NPAS3: variants seen among roughly 807,000 people sequenced by gnomAD.
The protein encoded by NPAS3 is neuronal PAS domain protein 3.
NPAS3 carries 14 observed loss-of-function variants against 73.1 expected under a neutral mutation model. That is an observed-to-expected ratio of 0.19 (90% CI 0.13 to 0.30). The LOEUF is 0.30. Ranked by LOEUF, NPAS3 falls within the 10% of genes least tolerant of loss-of-function variation. The probability of loss-of-function intolerance (pLI) is 1.00; values close to 1 mark genes in which losing one functional copy is unlikely to be tolerated. For synonymous variants in NPAS3, 620 were observed against 541.5 expected, an observed-to-expected ratio of 1.14 and a Z score of -2.01; for missense variants, 1,096 against 1,250.0, an observed-to-expected ratio of 0.88 and a Z score of 1.86.
chr14:33,784,719 A>ATTTTTTTT (rs1412386463), intron 9 of NPAS3, among the ~76,000 whole-genome samples: 1 of 75,054 alleles, frequency 1.3e-5, no homozygotes, highest in African/African-American at 4.5e-5. Context: ...TTTTATTGTT[A>ATTTTTTTT]TTTTTATTTA....
intron 4 of NPAS3, among the ~76,000 whole-genome samples, chr14:33,415,322 C>G (rs1330788021): frequency 1.3e-5 from 2 of 152,068 alleles, no homozygotes; most frequent in Non-Finnish European, 2.9e-5. Context: ...TGGGTATTTT[C>G]TAGCCTTTCA....
chr14:33,484,078 GA>G (rs1446764486), intron 4 of NPAS3, among the ~76,000 whole-genome samples: 2 of 152,156 alleles, frequency 1.3e-5, no homozygotes, highest in Non-Finnish European at 2.9e-5. Context: ...CTGCCTTCAT[GA>G]AATTTATATT....
intron 1 of NPAS3, among the ~76,000 whole-genome samples, chr14:33,018,152 A>T (rs1288856215): frequency 1.3e-5 from 2 of 152,210 alleles, no homozygotes; most frequent in African/African-American, 4.8e-5. Context: ...AGGTGGACAC[A>T]AAGGCACAAA....
chr14:33,009,352 C>G (rs981030191), intron 1 of NPAS3, among the ~76,000 whole-genome samples: 1 of 152,094 alleles, frequency 6.6e-6, no homozygotes, highest in African/African-American at 2.4e-5. Flanking sequence ...AGTTGAGGGT[C>G]AGCTTCTTGA....
At chr14:33,357,976 A>G (rs988748794) in intron 3 of NPAS3, among the ~76,000 whole-genome samples, 1 of 152,188 alleles carries the variant, frequency 6.6e-6, no homozygotes. Context: ...ATGACTCCAG[A>G]ACCCCAATCC....
At chr14:32,965,162 T>C (rs946087327) in intron 1 of NPAS3, among the ~76,000 whole-genome samples, 1 of 152,192 alleles carries the variant, frequency 6.6e-6, no homozygotes, top group Non-Finnish European at 1.5e-5. Context: ...TACCAATTCT[T>C]ATCAAACTAT....
At chr14:33,055,364 G>C (rs1047774018) in intron 1 of NPAS3, among the ~76,000 whole-genome samples, 1 of 152,170 alleles carries the variant, frequency 6.6e-6, no homozygotes, top group African/African-American at 2.4e-5. Context: ...GGCCTTGCTT[G>C]TGTTTTCATC....
At chr14:33,540,766 A>C (rs2054474634) in intron 4 of NPAS3, among the ~76,000 whole-genome samples, 1 of 152,202 alleles carries the variant, frequency 6.6e-6, no homozygotes, top group Non-Finnish European at 1.5e-5. Context: ...GGGAACGAGA[A>C]AATAAAATGT....
At chr14:33,339,377 C>T (rs868743321) in intron 3 of NPAS3, among the ~76,000 whole-genome samples, 1 of 152,112 alleles carries the variant, frequency 6.6e-6, no homozygotes, top group Non-Finnish European at 1.5e-5. Context: ...AGTACAGCAG[C>T]ATCAGCTTAC....
chr14:33,720,836 A>G (rs796886913), intron 6 of NPAS3, among the ~76,000 whole-genome samples: 23 of 152,242 alleles, frequency 1.5e-4, no homozygotes, highest in African/African-American at 5.3e-4. Flanking sequence ...GAGTCTTTTA[A>G]GAGAGAATCC....
At chr14:33,767,093 G>A (rs1211754329) in intron 7 of NPAS3, among the ~76,000 whole-genome samples, 1 of 152,222 alleles carries the variant, frequency 6.6e-6, no homozygotes, top group Non-Finnish European at 1.5e-5. Flanking sequence ...CTGTGGAAGA[G>A]TCCCTGGTTT....
At chr14:33,356,904 T>C (rs530572691) in intron 3 of NPAS3, among the ~76,000 whole-genome samples, 1 of 152,326 alleles carries the variant, frequency 6.6e-6, no homozygotes, top group East Asian at 1.9e-4. Context: ...CCTCAATTCA[T>C]TGTATGGTGG....
At chr14:33,755,748 T>C (rs1263070007) in intron 7 of NPAS3, among the ~76,000 whole-genome samples, 1 of 151,890 alleles carries the variant, frequency 6.6e-6, no homozygotes, top group African/African-American at 2.4e-5. Flanking sequence ...GAAAGAGGCT[T>C]ATTTGGCTCA....
At chr14:33,568,748 A>AT (rs2056080975) in intron 5 of NPAS3, among the ~76,000 whole-genome samples, 1 of 152,216 alleles carries the variant, frequency 6.6e-6, no homozygotes, top group Non-Finnish European at 1.5e-5. Flanking sequence ...TTCAGTGATA[A>AT]TTTCAGTAGG....
At chr14:33,541,544 C>T (rs766816930) in intron 4 of NPAS3, among the ~76,000 whole-genome samples, 3 of 152,136 alleles carry the variant, frequency 2.0e-5, no homozygotes, top group African/African-American at 4.8e-5. Context: ...CTTAGCTTCA[C>T]GCATAGAACA....
intron 8 of NPAS3, among the ~76,000 whole-genome samples, chr14:33,777,187 G>T (rs1273412071): frequency 6.6e-6 from 1 of 152,118 alleles, no homozygotes. Context: ...TGACATCCTT[G>T]TTCCCTCATT....
intron 6 of NPAS3, among the ~76,000 whole-genome samples, chr14:33,730,057 A>G (rs2140611270): frequency 6.6e-6 from 1 of 152,266 alleles, no homozygotes; most frequent in African/African-American, 2.4e-5. Flanking sequence ...AAATAGACAT[A>G]TAATAATAAT....
intron 4 of NPAS3, among the ~76,000 whole-genome samples, chr14:33,464,293 A>T (rs2050408020): frequency 6.6e-6 from 1 of 152,130 alleles, no homozygotes. Context: ...TGAAAGGTTC[A>T]TTATTATTGT....
intron 6 of NPAS3, among the ~76,000 whole-genome samples, chr14:33,702,970 T>C: frequency 6.6e-6 from 1 of 152,178 alleles, no homozygotes; most frequent in East Asian, 1.9e-4. Context: ...TGGCTTTATG[T>C]ATATATATCA....
Sources: gnomAD v4.1 joint callset for allele counts (sites outside exome capture counted in the v4.1 genomes callset) on GRCh38, gnomAD v4.1.1 for gene constraint, MANE v1.5 for transcripts, NCBI Gene and HGNC (gene_info 2026-07-23, HGNC 2026-07-21) for gene names.